The following FBXO34 variants were observed in gnomAD, a reference collection of about 807,000 sequenced individuals.
The protein encoded by FBXO34 is F-box protein 34.
In FBXO34, 12 loss-of-function variants were observed where a neutral mutation model predicts 24.5. That is an observed-to-expected ratio of 0.49 (90% CI 0.31 to 0.79). The LOEUF is 0.79. Ranked by LOEUF, FBXO34 falls within the 30% of genes least tolerant of loss-of-function variation. The probability of loss-of-function intolerance (pLI) is 0.04; values close to 1 mark genes in which losing one functional copy is unlikely to be tolerated. For synonymous variants in FBXO34, 320 were observed against 311.9 expected (o/e 1.03, Z -0.27); for missense variants, 823 against 857.7 (o/e 0.96, Z 0.51).
rs1282043728 is a variant in FBXO34 at position 55,352,307 on chromosome 14, T to C, written c.1917T>C (p.Tyr639=). The change falls in exon 2 of 2, where the codon TAT becomes TAC. Residue 639 remains tyrosine, a synonymous_variant. Transcript: ENST00000313833. ...CTTGCAAACAGTGCAAGAAAAAGTA[T>C]GTGAAAGGGGATGTGTCCCTGTGCC... ...EDPCKQCKKK[Y]VKGDVSLCRW... 3.2e-5 allele frequency: 52 copies of C among 1,613,944 alleles called. No homozygotes were observed. Among genetic ancestry groups the C allele is most frequent in the Non-Finnish European group, 4.3e-5 (51 of 1,179,966 alleles).
chr14:55,411,797 G>C, the FBXO34 span: 6 of 1,599,092 alleles, frequency 3.8e-6, no homozygotes, highest in Admixed American at 1.7e-5. Context: ...CAGCGCCCGG[G>C]CTCCCTTCCC....
the FBXO34 span, among the ~76,000 whole-genome samples, chr14:55,426,351 C>A: frequency 1.4e-4 from 21 of 151,820 alleles, no homozygotes; most frequent in African/African-American, 4.8e-4. Flanking sequence ...AGAAAGATTA[C>A]CAGAGAAAGT....
Position 55,331,699 on chromosome 14 carries a change from A to ATG in FBXO34, c.-10-18681_-10-18680insGT, listed in dbSNP as rs1170993911. Among the ~76,000 whole-genome samples the ATG allele has an allele frequency of 3.0e-5, 2 of 66,696 alleles. 1 individual carries two copies. The highest frequency in any genetic ancestry group is 4.8e-5 in the Non-Finnish European group (2 of 42,058). 43.8% of individuals were successfully genotyped at this position (66,696 alleles called of 152,430 possible). A position where few individuals can be genotyped will look rare whatever the true frequency, so the allele number is the denominator to read the frequency against. On this transcript the variant is annotated intron_variant, in intron 1 of 1. Transcript: ENST00000313833. Reference sequence around the variant, plus strand: ...TATATATATATGTGTATATATATATATATATGTATATATATATGTATATAT... The same window carrying ATG: ...TATATATATATGTGTATATATATATATGTATATGTATATATATATGTATATAT...
chr14:55,295,236 T>C (rs1266447043), intron 1 of FBXO34, among the ~76,000 whole-genome samples: 1 of 152,188 alleles, frequency 6.6e-6, no homozygotes, highest in Non-Finnish European at 1.5e-5. Context: ...AACATCCCTT[T>C]CCTACTGGAG....
At chr14:55,315,848 C>A (rs916022849) in intron 1 of FBXO34, among the ~76,000 whole-genome samples, 11 of 152,172 alleles carry the variant, frequency 7.2e-5, no homozygotes, top group Non-Finnish European at 1.3e-4. Context: ...GGAATCCTTT[C>A]CATCATTGTG....
At chr14:55,432,329 C>T in the FBXO34 span, among the ~76,000 whole-genome samples, 1 of 151,080 alleles carries the variant, frequency 6.6e-6, no homozygotes, top group Non-Finnish European at 1.5e-5. Context: ...GGAAGGATGG[C>T]TCCAGCCCGG....
intron 1 of FBXO34, among the ~76,000 whole-genome samples, chr14:55,306,233 A>G (rs994967751): frequency 1.3e-5 from 2 of 152,242 alleles, no homozygotes; most frequent in South Asian, 2.1e-4. Flanking sequence ...AAATGGAGTC[A>G]GGGAAACCAT....
intron 1 of FBXO34, among the ~76,000 whole-genome samples, chr14:55,316,491 T>G (rs1594747151): frequency 7.2e-6 from 1 of 139,252 alleles, no homozygotes; most frequent in Admixed American, 7.4e-5. Context: ...CTTTGGGAGG[T>G]AGAGGTGGGT....
chr14:55,310,482 A>G (rs1882697965), intron 1 of FBXO34, among the ~76,000 whole-genome samples: 1 of 152,174 alleles, frequency 6.6e-6, no homozygotes, highest in African/African-American at 2.4e-5. Flanking sequence ...TTACTGATTA[A>G]TAATGGAGAC....
At chr14:55,374,647 A>T (rs536242416), downstream of FBXO34, among the ~76,000 whole-genome samples, 1 of 152,134 alleles carries the variant, frequency 6.6e-6, no homozygotes, top group East Asian at 1.9e-4. Context: ...TGCTTATTTT[A>T]TAGCTGTATT....
the FBXO34 span, chr14:55,438,948 T>C: frequency 6.6e-6 from 1 of 151,040 alleles, no homozygotes; most frequent in African/African-American, 2.4e-5. Context: ...TTGCCTTTTT[T>C]TTTTTTTGAG....
At chr14:55,407,946 G>A in the FBXO34 span, among the ~76,000 whole-genome samples, 17 of 152,096 alleles carry the variant, frequency 1.1e-4, no homozygotes, top group Non-Finnish European at 1.6e-4. Flanking sequence ...AAGCCCCATT[G>A]GTGGAAGTTT....
the FBXO34 span, chr14:55,380,547 T>A: frequency 7.0e-7 from 1 of 1,421,598 alleles, no homozygotes; most frequent in Non-Finnish European, 9.8e-7. Context: ...ATGATAAAGA[T>A]GACATTACCA....
Position 55,323,194 on chromosome 14 carries a change from A to ATT in FBXO34, c.-10-27187_-10-27186insTT, listed in dbSNP as rs1883210023. ...AGTGAGACTCTGTCTCAAAAAAAAA[A>ATT]AAAAAAAAAAAAAAAAAAAAAAAAA... On this transcript the variant is annotated intron_variant, in intron 1 of 1. Transcript: ENST00000313833. 1.1e-4 allele frequency among the ~76,000 whole-genome samples: 4 copies of ATT among 36,574 alleles called. No individual in the cohort carries two copies. In the African/African-American group the frequency reaches 1.4e-3, roughly 13 times the overall value. The allele number at this position is 36,574 out of a possible 152,430, so 24.0% of individuals were successfully genotyped here. A position where few individuals can be genotyped will look rare whatever the true frequency, so the allele number is the denominator to read the frequency against.
intron 1 of FBXO34, chr14:55,298,612 G>C: frequency 8.8e-7 from 1 of 1,141,650 alleles, no homozygotes; most frequent in South Asian, 1.5e-5. Context: ...GAGCCCAGCC[G>C]GAGCGGGCGT....
chr14:55,286,517 C>G (rs989953671), intron 1 of FBXO34, among the ~76,000 whole-genome samples: 1 of 152,124 alleles, frequency 6.6e-6, no homozygotes, highest in Non-Finnish European at 1.5e-5. Flanking sequence ...TACTTTCAGT[C>G]TTCTATGTTT....
At chr14:55,420,643 A>C in the FBXO34 span, among the ~76,000 whole-genome samples, 5 of 152,188 alleles carry the variant, frequency 3.3e-5, no homozygotes, top group African/African-American at 1.2e-4. Flanking sequence ...AGAAATTTAA[A>C]TTTGCCTATT....
intron 1 of FBXO34, among the ~76,000 whole-genome samples, chr14:55,342,351 T>A (rs1471446606): frequency 6.6e-6 from 1 of 152,190 alleles, no homozygotes; most frequent in African/African-American, 2.4e-5. Context: ...GACTTTTCTG[T>A]CGTTCGCCAC....
chr14:55,360,891 G>A (rs61709162), intron 3 of FBXO34, among the ~76,000 whole-genome samples: 2,904 of 152,108 alleles, frequency 0.019, 92 homozygotes, highest in African/African-American at 0.062. Flanking sequence ...CCAGCTATTC[G>A]GGAGGCTGAG....
Sources: allele counts gnomAD v4.1 joint callset (sites outside exome capture counted in the v4.1 genomes callset), GRCh38; gene constraint gnomAD v4.1.1; transcripts MANE v1.5; gene names NCBI Gene and HGNC (gene_info 2026-07-23, HGNC 2026-07-21).